Variants in SLC44A5 observed in about 807,000 individuals in gnomAD.
SLC44A5 encodes choline transporter-like protein 5.
In SLC44A5, 57 loss-of-function variants were observed where a neutral mutation model predicts 101.8. That is an observed-to-expected ratio of 0.56 (90% confidence interval 0.45 to 0.70). SLC44A5 has a LOEUF of 0.70. Ranked by LOEUF, SLC44A5 falls within the 30% of genes least tolerant of loss-of-function variation. The pLI, the probability that SLC44A5 is intolerant of heterozygous loss-of-function variation, is 0.00. For missense variants in SLC44A5, 737 were observed against 853.1 expected, an observed-to-expected ratio of 0.86 and a Z score of 1.70; for synonymous variants, 281 against 290.9, an observed-to-expected ratio of 0.97 and a Z score of 0.35.
chr1:75,721,029 G>C, the SLC44A5 span, among the ~76,000 whole-genome samples: 1 of 152,140 alleles, frequency 6.6e-6, no homozygotes, highest in East Asian at 1.9e-4. Context: ...GAAGCCTTCA[G>C]GTGAGAACAG....
intron 3 of SLC44A5, among the ~76,000 whole-genome samples, chr1:75,364,447 A>G (rs1557704991): frequency 2.0e-5 from 3 of 152,154 alleles, no homozygotes; most frequent in South Asian, 2.1e-4. Flanking sequence ...ATCACTCACT[A>G]TCATGAGGAC....
the SLC44A5 span, among the ~76,000 whole-genome samples, chr1:75,658,351 T>C: frequency 6.6e-6 from 1 of 152,050 alleles, no homozygotes; most frequent in Non-Finnish European, 1.5e-5. Context: ...GCTGGGACTA[T>C]AGGTGTGAAC....
At chr1:75,653,412 G>A in the SLC44A5 span, among the ~76,000 whole-genome samples, 1 of 152,154 alleles carries the variant, frequency 6.6e-6, no homozygotes, top group Non-Finnish European at 1.5e-5. Context: ...AATCCGGGAG[G>A]CAGAGGTTGT....
intron 2 of SLC44A5, among the ~76,000 whole-genome samples, chr1:75,475,505 C>A (rs1360544117): frequency 6.6e-6 from 1 of 152,190 alleles, no homozygotes; most frequent in Non-Finnish European, 1.5e-5. Flanking sequence ...CTTGTCCAGC[C>A]AGAATTCCAA....
At chr1:75,284,879 A>G (rs192879017) in intron 5 of SLC44A5, among the ~76,000 whole-genome samples, 1 of 152,124 alleles carries the variant, frequency 6.6e-6, no homozygotes, top group African/African-American at 2.4e-5. Context: ...ATAATGTATT[A>G]TTGTTTTGAT....
intron 4 of SLC44A5, among the ~76,000 whole-genome samples, chr1:75,326,482 C>T (rs940265287): frequency 1.3e-5 from 2 of 151,930 alleles, no homozygotes; most frequent in African/African-American, 2.4e-5. Context: ...AGTTTTAACC[C>T]CCCAATTGTA....
At position 75,241,971 on chromosome 1, in the gene SLC44A5, T is replaced by C. The variant is rs1175800117; in HGVS notation, c.532+30A>G. On this transcript the variant is annotated intron_variant, in intron 9 of 23. Coordinates refer to ENST00000370859, the MANE Select transcript of SLC44A5 (RefSeq NM_001130058.2). Reference sequence around the variant, plus strand: ...TTAAGTAGCATTTTGGTAGATCCTATGTTTCTAAGGTAAAATAGTTGCCAC... The same window carrying C: ...TTAAGTAGCATTTTGGTAGATCCTACGTTTCTAAGGTAAAATAGTTGCCAC... The C allele has an allele frequency of 7.0e-6, 11 of 1,582,162 alleles. No individual in the cohort carries two copies. The African/African-American group carries it at 1.3e-4, about 19-fold the overall frequency.
At chr1:75,211,593 T>C (rs1258711524) in intron 22 of SLC44A5, 41 bp from the exon 23 acceptor site, 5 of 1,393,894 alleles carry the variant, frequency 3.6e-6, no homozygotes, top group Non-Finnish European at 5.1e-6. Context: ...GTCATTTACT[T>C]TGACCAGAAG....
intron 3 of SLC44A5, among the ~76,000 whole-genome samples, chr1:75,361,532 ATC>A (rs1482537277): frequency 6.6e-6 from 1 of 151,984 alleles, no homozygotes; most frequent in Non-Finnish European, 1.5e-5. Context: ...TCTATACCTA[ATC>A]TGTTGAGAGT....
intron 1 of SLC44A5, among the ~76,000 whole-genome samples, chr1:75,593,839 G>A (rs1015242214): frequency 9.2e-5 from 14 of 151,982 alleles, no homozygotes; most frequent in African/African-American, 2.4e-5. Flanking sequence ...GCTGAGAAGG[G>A]TAGTCAGGGG....
chr1:75,552,088 G>A (rs1372778793), intron 1 of SLC44A5, among the ~76,000 whole-genome samples: 1 of 152,128 alleles, frequency 6.6e-6, no homozygotes, highest in Non-Finnish European at 1.5e-5. Flanking sequence ...GCAAATGAAA[G>A]TGCTATCTGA....
chr1:75,322,902 C>T (rs929588742), intron 4 of SLC44A5, among the ~76,000 whole-genome samples: 1 of 152,158 alleles, frequency 6.6e-6, no homozygotes, highest in South Asian at 2.1e-4. Flanking sequence ...TGTTTCTCAT[C>T]CGAAAATAGG....
At chr1:75,397,423 C>T (rs1031958521) in intron 2 of SLC44A5, among the ~76,000 whole-genome samples, 4 of 152,078 alleles carry the variant, frequency 2.6e-5, no homozygotes, top group South Asian at 2.1e-4. Flanking sequence ...GCTTGGTTTC[C>T]CCATTGATTT....
intron 2 of SLC44A5, among the ~76,000 whole-genome samples, chr1:75,451,042 T>C (rs888955694): frequency 6.6e-6 from 1 of 152,106 alleles, no homozygotes; most frequent in Non-Finnish European, 1.5e-5. Context: ...GGCAAGGAAG[T>C]TGGAGCCAAG....
At chr1:75,682,167 T>C in the SLC44A5 span, among the ~76,000 whole-genome samples, 3 of 152,144 alleles carry the variant, frequency 2.0e-5, no homozygotes, top group African/African-American at 4.8e-5. Context: ...ATCGTGAAAA[T>C]GGCCATACTG....
Position 75,503,567 on chromosome 1 carries a change from C to G in SLC44A5, c.13+37868G>C, listed in dbSNP as rs1342948307. On this transcript the variant is annotated intron_variant, in intron 2 of 23. Transcript: ENST00000370859. ...GTGGAACTATGTGTCAATTAAACCT[C>G]TTTTCTTTATAAATTACCTAGTCTC... 2.0e-5 allele frequency among the ~76,000 whole-genome samples: 3 copies of G among 152,262 alleles called. No individual in the cohort carries two copies. In the East Asian group the frequency reaches 5.8e-4, roughly 29 times the overall value.
intron 2 of SLC44A5, among the ~76,000 whole-genome samples, chr1:75,433,147 TC>T (rs1664706939): frequency 6.6e-6 from 1 of 152,068 alleles, no homozygotes; most frequent in African/African-American, 2.4e-5. Flanking sequence ...ATCTCATGTC[TC>T]CCCCTTCTCC....
intron 3 of SLC44A5, among the ~76,000 whole-genome samples, chr1:75,364,317 G>A (rs1392121173): frequency 6.6e-6 from 1 of 152,136 alleles, no homozygotes; most frequent in Non-Finnish European, 1.5e-5. Context: ...GAGGCCTCAG[G>A]AAACTTAAAA....
At chr1:75,358,647 C>T (rs2101103620) in intron 3 of SLC44A5, among the ~76,000 whole-genome samples, 1 of 152,140 alleles carries the variant, frequency 6.6e-6, no homozygotes, top group Admixed American at 6.5e-5. Context: ...TAACTGTAGT[C>T]ACCATGCAGT....
Sources: allele counts gnomAD v4.1 joint callset (sites outside exome capture counted in the v4.1 genomes callset), GRCh38; gene constraint gnomAD v4.1.1; transcripts MANE v1.5; gene names NCBI Gene and HGNC (gene_info 2026-07-23, HGNC 2026-07-21).